Variants in NRG4 observed in about 807,000 individuals in gnomAD.
NRG4 encodes pro-neuregulin-4, membrane-bound isoform.
In NRG4, 10 loss-of-function variants were observed where a neutral mutation model predicts 15.0. The observed-to-expected ratio is 0.67, with a 90% CI of 0.41 to 1.13. NRG4 has a LOEUF of 1.13. Among genes scored for constraint, NRG4 ranks in the 50% most tolerant of loss-of-function variants. The probability of loss-of-function intolerance (pLI) is 0.00; values close to 1 mark genes in which losing one functional copy is unlikely to be tolerated. For synonymous variants in NRG4, 41 were observed against 50.1 expected, an observed-to-expected ratio of 0.82 and a Z score of 0.77; for missense variants, 139 against 140.2, an observed-to-expected ratio of 0.99 and a Z score of 0.04.
At chr15:75,952,532 C>A (rs1387561059) in intron 5 of NRG4, among the ~76,000 whole-genome samples, 1 of 151,284 alleles carries the variant, frequency 6.6e-6, no homozygotes, top group Non-Finnish European at 1.5e-5. Context: ...ATAAATAATG[C>A]TGCTATGTGC....
chr15:75,951,795 T>C (rs1350717289), intron 5 of NRG4, among the ~76,000 whole-genome samples: 1 of 152,226 alleles, frequency 6.6e-6, no homozygotes, highest in Non-Finnish European at 1.5e-5. Flanking sequence ...TCCCATATTA[T>C]GTTGTTATGA....
intron 5 of NRG4, among the ~76,000 whole-genome samples, chr15:75,953,050 T>C (rs1389591745): frequency 1.3e-5 from 2 of 152,186 alleles, no homozygotes; most frequent in Non-Finnish European, 2.9e-5. Context: ...TATTTTTTCT[T>C]TTGTTGCTTG....
intron 5 of NRG4, among the ~76,000 whole-genome samples, chr15:75,955,137 A>G (rs1326435743): frequency 6.6e-6 from 1 of 152,174 alleles, no homozygotes; most frequent in African/African-American, 2.4e-5. Context: ...TGCCCTGATT[A>G]GTACTCAGCT....
chr15:75,982,798 G>A (rs2033655026), intron 3 of NRG4, among the ~76,000 whole-genome samples: 1 of 152,180 alleles, frequency 6.6e-6, no homozygotes, highest in Admixed American at 6.5e-5. Flanking sequence ...GGAGAATTCT[G>A]GGTGAGCATG....
At chr15:75,951,724 C>T (rs1352773003) in intron 5 of NRG4, among the ~76,000 whole-genome samples, 2 of 152,116 alleles carry the variant, frequency 1.3e-5, no homozygotes, top group South Asian at 2.1e-4. Context: ...GTATTTCCCT[C>T]GCTACCCTCC....
At chr15:75,972,645 A>AT (rs2033152715) in intron 3 of NRG4, among the ~76,000 whole-genome samples, 2 of 151,958 alleles carry the variant, frequency 1.3e-5, no homozygotes, top group African/African-American at 4.8e-5. Flanking sequence ...CCCCTTACTT[A>AT]TTTTTTGTCA....
chr15:76,040,482 G>A (rs183666965), intron 4 of NRG4, among the ~76,000 whole-genome samples: 13 of 152,276 alleles, frequency 8.5e-5, no homozygotes, highest in African/African-American at 2.9e-4. Flanking sequence ...GGATGTCAAT[G>A]AGCAGTAAGA....
chr15:76,007,310 T>C (rs1386431767), intron 3 of NRG4, among the ~76,000 whole-genome samples: 1 of 152,122 alleles, frequency 6.6e-6, no homozygotes, highest in Non-Finnish European at 1.5e-5. Flanking sequence ...AAATGATCAA[T>C]TGATTTTTGA....
chr15:76,025,861 A>C (rs1345347112), intron 5 of NRG4, among the ~76,000 whole-genome samples: 1 of 152,120 alleles, frequency 6.6e-6, no homozygotes, highest in Non-Finnish European at 1.5e-5. Context: ...TGAGTGACAG[A>C]GTGAGACTTT....
At chr15:76,007,238 T>A (rs2034636488) in intron 3 of NRG4, among the ~76,000 whole-genome samples, 1 of 152,132 alleles carries the variant, frequency 6.6e-6, no homozygotes, top group African/African-American at 2.4e-5. Context: ...AGACTGGTAT[T>A]GGTGAAAAGA....
At chr15:75,959,223 A>G (rs955321077) in intron 4 of NRG4, 35 of 265,454 alleles carry the variant, frequency 1.3e-4, no homozygotes, top group African/African-American at 7.9e-4. Flanking sequence ...CCTGGTCTCA[A>G]GTAGTCCTCC....
chr15:75,964,563 A>C (rs778572905), intron 3 of NRG4, among the ~76,000 whole-genome samples: 16 of 152,234 alleles, frequency 1.1e-4, no homozygotes, highest in Non-Finnish European at 1.9e-4. Flanking sequence ...TATTTTTGAT[A>C]AGGAAGATCT....
chr15:76,006,077 AT>A (rs2034596493), intron 3 of NRG4, among the ~76,000 whole-genome samples: 1 of 152,146 alleles, frequency 6.6e-6, no homozygotes, highest in Non-Finnish European at 1.5e-5. Context: ...CTCCGGGAAA[AT>A]TGGTTAGGGA....
intron 3 of NRG4, among the ~76,000 whole-genome samples, chr15:75,985,576 C>T (rs772635706): frequency 1.3e-5 from 2 of 152,136 alleles, no homozygotes; most frequent in Admixed American, 6.6e-5. Context: ...TTCAGGCATA[C>T]GGAGACATCC....
chr15:76,034,805 A>G (rs914910535), intron 5 of NRG4, among the ~76,000 whole-genome samples: 15 of 152,172 alleles, frequency 9.9e-5, no homozygotes, highest in African/African-American at 3.4e-4. Context: ...AGCAGGAGCT[A>G]AAGGCAGAAT....
intron 5 of NRG4, among the ~76,000 whole-genome samples, chr15:75,944,499 T>C (rs1249398317): frequency 6.6e-6 from 1 of 152,192 alleles, no homozygotes; most frequent in Non-Finnish European, 1.5e-5. Flanking sequence ...CGGGGAGGCT[T>C]ACATTCCAGA....
upstream of NRG4, among the ~76,000 whole-genome samples, chr15:76,012,717 T>A (rs2034854583): frequency 6.6e-6 from 1 of 152,192 alleles, no homozygotes; most frequent in Non-Finnish European, 1.5e-5. Flanking sequence ...AATGTGGAGC[T>A]AATAGATAAG....
At chr15:76,040,723 G>A (rs1050934034) in intron 4 of NRG4, among the ~76,000 whole-genome samples, 1 of 152,136 alleles carries the variant, frequency 6.6e-6, no homozygotes, top group African/African-American at 2.4e-5. Flanking sequence ...TCAGGAGTTC[G>A]AGACCAGCCT....
At chr15:75,965,423 G>A (rs903760332) in intron 3 of NRG4, among the ~76,000 whole-genome samples, 5 of 152,046 alleles carry the variant, frequency 3.3e-5, no homozygotes, top group African/African-American at 1.2e-4. Context: ...TCTTACAGCT[G>A]GGATAAAGCA....
Sources: gnomAD v4.1 joint callset for allele counts (sites outside exome capture counted in the v4.1 genomes callset) on GRCh38, gnomAD v4.1.1 for gene constraint, MANE v1.5 for transcripts, NCBI Gene and HGNC (gene_info 2026-07-23, HGNC 2026-07-21) for gene names.